The following UPP2 variants were observed in gnomAD, a reference collection of about 807,000 sequenced individuals.
UPP2 encodes the protein uridine phosphorylase 2, also known as UPase 2.
Under a neutral mutation model 26.7 loss-of-function variants are expected in UPP2, and 23 were observed. The ratio of observed to expected loss-of-function variants is 0.86; its 90% CI spans 0.62 to 1.22. The LOEUF is 1.22. UPP2 is among the 50% of genes most tolerant of loss of function. The pLI is 0.00. For missense variants in UPP2, 387 were observed against 396.7 expected (o/e 0.98, Z 0.21); for synonymous variants, 127 against 141.3 (o/e 0.90, Z 0.72).
At chr2:158,058,154 ATT>A in intron 3 of UPP2, among the ~76,000 whole-genome samples, 1 of 151,952 alleles carries the variant, frequency 6.6e-6, no homozygotes, top group Non-Finnish European at 1.5e-5. Flanking sequence ...TTAGCTGGGT[ATT>A]GTGGCGTGCG....
At chr2:158,059,527 T>G (rs1682317128) in intron 3 of UPP2, among the ~76,000 whole-genome samples, 1 of 152,212 alleles carries the variant, frequency 6.6e-6, no homozygotes, top group South Asian at 2.1e-4. Flanking sequence ...CATCATATCT[T>G]GGCAGCCAGG....
intron 6 of UPP2, among the ~76,000 whole-genome samples, chr2:158,124,874 G>A (rs1234220528): frequency 6.6e-6 from 1 of 152,136 alleles, no homozygotes; most frequent in Non-Finnish European, 1.5e-5. Context: ...CATCAAAATG[G>A]AGGCCAAGCA....
intron 3 of UPP2, among the ~76,000 whole-genome samples, chr2:158,017,865 A>G (rs1683685024): frequency 6.6e-6 from 1 of 152,154 alleles, no homozygotes; most frequent in Admixed American, 6.5e-5. Flanking sequence ...CAAACAATTC[A>G]TTTTCTATTA....
intron 3 of UPP2, among the ~76,000 whole-genome samples, chr2:158,070,743 A>T (rs1434046108): frequency 6.6e-6 from 1 of 152,352 alleles, no homozygotes; most frequent in Admixed American, 6.5e-5. Flanking sequence ...ACCTGGATTT[A>T]ACTTTATATC....
chr2:158,033,508 GAGCC>G (rs368804329), intron 3 of UPP2, among the ~76,000 whole-genome samples: 4 of 152,044 alleles, frequency 2.6e-5, no homozygotes, highest in African/African-American at 9.7e-5. Context: ...AGCTTGAGGG[GAGCC>G]AGCCAGCCAG....
At chr2:158,039,123 C>T (rs536499822) in intron 3 of UPP2, among the ~76,000 whole-genome samples, 2 of 152,252 alleles carry the variant, frequency 1.3e-5, no homozygotes, top group Middle Eastern at 3.4e-3. Flanking sequence ...GGGTGCGTGA[C>T]GTAAGCCATA....
chr2:158,115,273 G>T lies in UPP2; in HGVS notation c.339+14G>T, dbSNP rs761395868. ...CTCGCCATCAGTGTAAGTATCCATG[G>T]TTGCATTTCAGCTAGTCATTGCAGG... On this transcript the variant is annotated intron_variant, in intron 3 of 6. Transcript: ENST00000005756. 6.3e-7 allele frequency: 1 copy of T among 1,586,876 alleles called. No homozygotes were observed. The highest frequency in any genetic ancestry group is 8.6e-7 in the Non-Finnish European group (1 of 1,167,204).
intron 3 of UPP2, among the ~76,000 whole-genome samples, chr2:158,064,587 T>G: frequency 6.6e-6 from 1 of 152,192 alleles, no homozygotes; most frequent in Middle Eastern, 3.2e-3. Flanking sequence ...AGCTCTTTAG[T>G]TTAATTAGAT....
intron 6 of UPP2, among the ~76,000 whole-genome samples, chr2:158,128,398 T>TA (rs1683737625): frequency 6.6e-6 from 1 of 152,216 alleles, no homozygotes; most frequent in African/African-American, 2.4e-5. Flanking sequence ...GGTAAAAAGA[T>TA]ACCACAAGGA....
intron 3 of UPP2, chr2:158,015,890 A>T (rs1683650682): frequency 2.3e-6 from 1 of 443,250 alleles, no homozygotes; most frequent in Non-Finnish European, 4.5e-6. Flanking sequence ...TGGAACTGTG[A>T]GTCAATTAAA....
chr2:158,045,049 T>C (rs1020341450), intron 3 of UPP2, among the ~76,000 whole-genome samples: 5 of 152,252 alleles, frequency 3.3e-5, no homozygotes, highest in Non-Finnish European at 7.3e-5. Flanking sequence ...TTCCACCTTT[T>C]TCCTGAATGT....
At chr2:158,105,226 G>A (rs555419623) in intron 1 of UPP2, among the ~76,000 whole-genome samples, 1 of 152,132 alleles carries the variant, frequency 6.6e-6, no homozygotes, top group African/African-American at 2.4e-5. Context: ...TCATAAATAT[G>A]AACTAGATTG....
chr2:158,094,332 G>A (rs1682955711), intron 3 of UPP2, among the ~76,000 whole-genome samples: 1 of 151,392 alleles, frequency 6.6e-6, no homozygotes, highest in South Asian at 2.1e-4. Flanking sequence ...GTACCTTTAT[G>A]TTTAAATGTT....
At chr2:158,010,591 C>T (rs1392702686) in intron 2 of UPP2, among the ~76,000 whole-genome samples, 4 of 152,048 alleles carry the variant, frequency 2.6e-5, no homozygotes, top group African/African-American at 9.7e-5. Flanking sequence ...GAAAGAAGAA[C>T]GGGTATGCAT....
intron 3 of UPP2, among the ~76,000 whole-genome samples, chr2:158,045,751 A>G (rs768751513): frequency 3.9e-4 from 59 of 152,248 alleles, no homozygotes; most frequent in Admixed American, 2.0e-4. Context: ...GGGAGGCACA[A>G]CCCTTTAGGA....
At chr2:158,019,165 C>G (rs189095857) in intron 3 of UPP2, among the ~76,000 whole-genome samples, 14 of 152,250 alleles carry the variant, frequency 9.2e-5, no homozygotes, top group Non-Finnish European at 1.8e-4. Context: ...CATGTTCTTG[C>G]ACTAGGGTCA....
chr2:158,068,485 A>G (rs1682472775), intron 3 of UPP2, among the ~76,000 whole-genome samples: 1 of 152,064 alleles, frequency 6.6e-6, no homozygotes, highest in Non-Finnish European at 1.5e-5. Context: ...CAAATGTTTG[A>G]GAAAAATCAC....
At chr2:158,006,097 T>A (rs1258923817) in intron 2 of UPP2, among the ~76,000 whole-genome samples, 1 of 152,104 alleles carries the variant, frequency 6.6e-6, no homozygotes, top group Non-Finnish European at 1.5e-5. Flanking sequence ...TAGAGGAGAG[T>A]TCAGCCTACA....
chr2:158,089,374 A>G (rs1285849294), intron 3 of UPP2, among the ~76,000 whole-genome samples: 1 of 152,134 alleles, frequency 6.6e-6, no homozygotes, highest in Non-Finnish European at 1.5e-5. Flanking sequence ...GTGGGTAAGC[A>G]GGGCTGAGAA....
Sources: gnomAD v4.1 joint callset for allele counts (sites outside exome capture counted in the v4.1 genomes callset) on GRCh38, gnomAD v4.1.1 for gene constraint, MANE v1.5 for transcripts, NCBI Gene and HGNC (gene_info 2026-07-23, HGNC 2026-07-21) for gene names.